The following TRIM36 variants were observed in gnomAD, a reference collection of about 807,000 sequenced individuals.
TRIM36 encodes E3 ubiquitin-protein ligase TRIM36.
TRIM36 carries 42 observed loss-of-function variants against 72.4 expected under a neutral mutation model. The observed-to-expected ratio is 0.58, with a 90% confidence interval of 0.45 to 0.75. The LOEUF is 0.75. Among genes scored for constraint, TRIM36 ranks in the 30% least tolerant of loss-of-function variants. The pLI is 0.00. For missense variants in TRIM36, 913 were observed against 857.1 expected (o/e 1.07, Z -0.81); for synonymous variants, 315 against 282.8 (o/e 1.11, Z -1.14).
At chr5:115,150,959 G>C (rs1753859506) in intron 2 of TRIM36, among the ~76,000 whole-genome samples, 1 of 152,172 alleles carries the variant, frequency 6.6e-6, no homozygotes, top group South Asian at 2.1e-4. Flanking sequence ...AGAGGCTCTG[G>C]GAAAAGGCCA....
chr5:115,161,461 G>C (rs1171106832), intron 2 of TRIM36, among the ~76,000 whole-genome samples: 3 of 152,198 alleles, frequency 2.0e-5, no homozygotes, highest in Non-Finnish European at 2.9e-5. Context: ...TTCAGATACT[G>C]ATGGCCCAAA....
At chr5:115,132,550 G>GAAAAAAA (rs11290682) in intron 8 of TRIM36, among the ~76,000 whole-genome samples, 1 of 110,860 alleles carries the variant, frequency 9.0e-6, no homozygotes. Context: ...CCTCCAAAAA[G>GAAAAAAA]AAAAAAAAAA....
At chr5:115,158,546 T>C (rs1437564387) in intron 2 of TRIM36, among the ~76,000 whole-genome samples, 2 of 152,202 alleles carry the variant, frequency 1.3e-5, no homozygotes, top group Non-Finnish European at 2.9e-5. Flanking sequence ...CCCTGGACAG[T>C]TCATGAACTA....
intron 7 of TRIM36, among the ~76,000 whole-genome samples, chr5:115,135,916 C>A (rs1752942167): frequency 1.3e-5 from 2 of 152,040 alleles, no homozygotes; most frequent in African/African-American, 4.8e-5. Context: ...TACAAATCTA[C>A]AAATCTGCAC....
intron 8 of TRIM36, 35 bp from the exon 9 acceptor site, chr5:115,130,924 A>C (rs1752643791): frequency 2.5e-6 from 4 of 1,576,596 alleles, no homozygotes; most frequent in Non-Finnish European, 3.4e-6. Context: ...CAGGCTAAAA[A>C]TTATCATTGC....
Position 115,126,507 on chromosome 5 carries a change from A to T in TRIM36, c.2147T>A (p.Met716Lys). 6.2e-7 allele frequency: 1 copy of T among 1,604,182 alleles called. No homozygotes were observed. The highest frequency in any genetic ancestry group is 8.5e-7 in the Non-Finnish European group (1 of 1,172,022). The change falls in exon 10 of 10, where the codon ATG becomes AAG. Residue 716 changes from methionine to lysine, a missense_variant. Met to Lys is a moderately conservative substitution (Grantham distance 95). Coordinates refer to ENST00000513154, the MANE Select transcript of TRIM36 (RefSeq NM_001300759.2). Reference sequence around the variant, plus strand: ...GAGTCACATCAGATGTTTCAACTACATGTCCTCTTGGTATTCCAGATATTT... The same window carrying T: ...GAGTCACATCAGATGTTTCAACTACTTGTCCTCTTGGTATTCCAGATATTT... ...TAKYLEYQED[M>K]
chr5:115,179,150 G>T (rs1298234594), intron 1 of TRIM36, among the ~76,000 whole-genome samples: 4 of 152,214 alleles, frequency 2.6e-5, no homozygotes, highest in Non-Finnish European at 5.9e-5. Flanking sequence ...GCACTGTGCA[G>T]CCTCCGTACT....
At position 115,149,220 on chromosome 5, in the gene TRIM36, A is replaced by G. The variant is rs1297479841; in HGVS notation, c.263-1826T>C. 2.0e-5 allele frequency: 3 copies of G among 152,322 alleles called. No homozygotes were observed. The East Asian group carries it at 5.8e-4, about 29-fold the overall frequency. 9.4% of individuals were successfully genotyped at this position (152,322 alleles called of 1,614,324 possible). ...AATCCAAACTCTTTCACACCACAGCAGGCATATCATGAAATAAGCAGCAAA... is the reference window on the plus strand; with the variant it reads ...AATCCAAACTCTTTCACACCACAGCGGGCATATCATGAAATAAGCAGCAAA... On this transcript the variant is annotated intron_variant, in intron 2 of 9. Coordinates refer to ENST00000513154, the MANE Select transcript of TRIM36 (RefSeq NM_001300759.2).
At chr5:115,159,566 T>C (rs1436661082) in intron 2 of TRIM36, 1 of 425,886 alleles carries the variant, frequency 2.3e-6, no homozygotes, top group African/African-American at 2.1e-5. Context: ...TGTTTAAGAA[T>C]CTTACACAAG....
chr5:115,177,895 G>C (rs748089326), intron 1 of TRIM36: 1 of 1,612,102 alleles, frequency 6.2e-7, no homozygotes, highest in African/African-American at 1.3e-5. Context: ...GAGACAGAGA[G>C]AGAGAGAGCA....
chr5:115,155,748 C>T (rs964629322), intron 2 of TRIM36, among the ~76,000 whole-genome samples: 1 of 152,134 alleles, frequency 6.6e-6, no homozygotes. Context: ...CTTCTGATAA[C>T]TGGAACAAGA....
chr5:115,175,994 C>T (rs751511756), intron 1 of TRIM36, among the ~76,000 whole-genome samples: 1 of 151,992 alleles, frequency 6.6e-6, no homozygotes, highest in African/African-American at 2.4e-5. Context: ...GGCATGGTGG[C>T]GTGTGCCTGT....
Position 115,126,080 on chromosome 5 carries a change from C to G in TRIM36, c.*423G>C, listed in dbSNP as rs1752346926. On this transcript the variant is annotated 3_prime_UTR_variant, in exon 10 of 10. Coordinates refer to ENST00000513154, the MANE Select transcript of TRIM36 (RefSeq NM_001300759.2). ...CACATTGCTTAGTACTAATTCCTAT[C>G]CATAAGGCATTTAAAAAATATCTTC... is the stretch of plus-strand genomic sequence containing the variant. 1 of 164,080 alleles carries G rather than the reference C, an allele frequency of 6.1e-6. No individual in the cohort carries two copies. The highest frequency in any genetic ancestry group is 2.4e-5 in the African/African-American group (1 of 41,602). The allele number at this position is 164,080 out of a possible 1,614,324, so 10.2% of individuals were successfully genotyped here.
intron 2 of TRIM36, among the ~76,000 whole-genome samples, chr5:115,155,870 G>A (rs1754152099): frequency 6.6e-6 from 1 of 152,156 alleles, no homozygotes; most frequent in Non-Finnish European, 1.5e-5. Flanking sequence ...AACTATCACT[G>A]TTTGCTGATG....
intron 2 of TRIM36, among the ~76,000 whole-genome samples, chr5:115,152,936 C>T (rs933100279): frequency 2.0e-5 from 3 of 151,980 alleles, no homozygotes; most frequent in Non-Finnish European, 4.4e-5. Flanking sequence ...CACACAGGAC[C>T]TATAAAACAA....
chr5:115,141,255 T>C (rs1753261822), intron 5 of TRIM36, 24 bp downstream of exon 5: 1 of 1,466,448 alleles, frequency 6.8e-7, no homozygotes, highest in East Asian at 2.3e-5. Context: ...TAATTTAAAA[T>C]ATGCAAGCTA....
intron 2 of TRIM36, among the ~76,000 whole-genome samples, chr5:115,156,715 T>C (rs1461711862): frequency 6.6e-6 from 1 of 152,194 alleles, no homozygotes; most frequent in Admixed American, 6.5e-5. Flanking sequence ...ATAAAAATTC[T>C]AGAAGATAAC....
At chr5:115,143,598 G>C (rs1481947601) in intron 4 of TRIM36, among the ~76,000 whole-genome samples, 2 of 151,978 alleles carry the variant, frequency 1.3e-5, no homozygotes, top group African/African-American at 4.8e-5. Context: ...GTGCAGAGAA[G>C]GTAGAGCACA....
In TRIM36 at chr5:115,126,446, A is replaced by C. The variant is rs140117888; in HGVS notation, c.*57T>G. On this transcript the variant is annotated 3_prime_UTR_variant, in exon 10 of 10. Transcript: ENST00000513154. ...GATATGTAATTAGTTACGAAGGTTA[A>C]CGCTAAGGCATTGCTTTGTTTACAG... The C allele has an allele frequency of 5.1e-3, 7,085 of 1,394,500 alleles. 36 individuals carry two copies. Among genetic ancestry groups the C allele is most frequent in the Non-Finnish European group, 6.3e-3 (6,411 of 1,014,730 alleles). 86.4% of individuals were successfully genotyped at this position (1,394,500 alleles called of 1,614,324 possible).
Sources: gnomAD v4.1 joint callset for allele counts (sites outside exome capture counted in the v4.1 genomes callset) on GRCh38, gnomAD v4.1.1 for gene constraint, MANE v1.5 for transcripts, NCBI Gene and HGNC (gene_info 2026-07-23, HGNC 2026-07-21) for gene names.